Variants in HAGH observed in about 807,000 individuals in gnomAD.
The protein encoded by HAGH is hydroxyacylglutathione hydrolase.
A neutral mutation model predicts 35.1 loss-of-function variants in HAGH; 29 were observed. The observed-to-expected ratio is 0.83, with a 90% CI of 0.62 to 1.13. HAGH has a LOEUF of 1.13. HAGH is among the 50% of genes most tolerant of loss of function. The pLI, the probability that HAGH is intolerant of heterozygous loss-of-function variation, is 0.00. For missense variants in HAGH, 478 were observed against 419.6 expected, an observed-to-expected ratio of 1.14 and a Z score of -1.22; for synonymous variants, 225 against 176.1, an observed-to-expected ratio of 1.28 and a Z score of -2.20.
chr16:1,818,283 C>T (rs1042227602), intron 5 of HAGH, among the ~76,000 whole-genome samples: 2 of 152,078 alleles, frequency 1.3e-5, no homozygotes, highest in African/African-American at 4.8e-5. Context: ...CCCACACCGG[C>T]ACCACCCAGG....
chr16:1,822,275 C>A (rs772001752), intron 3 of HAGH, 25 bp downstream of exon 3: 4 of 1,536,646 alleles, frequency 2.6e-6, no homozygotes, highest in African/African-American at 1.4e-5. Flanking sequence ...AGGTCCCACA[C>A]CCCCAGGTGA....
At chr16:1,810,378 A>G (rs757545530) in intron 7 of HAGH, 2 of 153,720 alleles carry the variant, frequency 1.3e-5, no homozygotes, top group Admixed American at 1.3e-4. Context: ...ATTTCACATT[A>G]TGGAGGTAAC....
Position 1,817,194 on chromosome 16 carries a change from C to T in HAGH, c.619G>A (p.Val207Ile). The part of the protein sequence containing the change: ...ADEMCKALLE[V>I]LGRLPPDTRV... ...GTGTCCGGGGGGAGCCGGCCCAAGA[C>T]CTCCAGCAGAGCTTTACACATCTCA... The change falls in exon 6 of 9, where the codon GTC (valine) becomes ATC (isoleucine). Residue 207 changes from valine to isoleucine, a missense_variant. Transcript: ENST00000397356. 1 of 1,612,296 alleles carries T rather than the reference C, an allele frequency of 6.2e-7. No individual in the cohort carries two copies.
Position 1,822,947 on chromosome 16 carries a change from G to A in HAGH, c.167C>T (p.Ala56Val). The A allele has an allele frequency of 1.2e-6, 2 of 1,613,638 alleles. No homozygotes were observed. The highest frequency in any genetic ancestry group is 1.7e-6 in the Non-Finnish European group (2 of 1,179,658). The change falls in exon 2 of 9, where the codon GCC (alanine) becomes GTC (valine). Residue 56 changes from alanine (A) to valine (V), a missense_variant. Coordinates refer to ENST00000397356, the MANE Select transcript of HAGH (RefSeq NM_005326.6). ...EGTMKVEVLP[A>V]LTDNYMYLVI... ...CAGGTACATGTAGTTGTCGGTCAGG[G>A]CAGGCAGCACCTCTACCTTCATGGT...
rs752728402 is a variant in HAGH at position 1,817,214 on chromosome 16, A to G, written c.599T>C (p.Met200Thr). ...CAAGACCTCCAGCAGAGCTTTACAC[A>G]TCTCATCCGCAGTCCCTTCATAGAA... ...GKFYEGTADE[M>T]CKALLEVLGR... is the part of the protein sequence containing the mutation. The change falls in exon 6 of 9, where the codon ATG becomes ACG. Residue 200 changes from methionine to threonine, a missense_variant. By Grantham distance (81) the Met-to-Thr change is moderately conservative. Coordinates refer to ENST00000397356, the MANE Select transcript of HAGH (RefSeq NM_005326.6). 1 of 1,613,504 alleles carries G rather than the reference A, an allele frequency of 6.2e-7. No individual in the cohort carries two copies. The highest frequency in any genetic ancestry group is 8.5e-7 in the Non-Finnish European group (1 of 1,179,464).
chr16:1,822,454 G>A (rs2142048956), intron 2 of HAGH, 90 bp from the exon 3 acceptor site: 2 of 987,750 alleles, frequency 2.0e-6, no homozygotes, highest in South Asian at 1.3e-5. Context: ...CAGAACCCAG[G>A]ACACGCCATG....
rs368936599 is a variant in HAGH, at chr16:1,826,716, G to A, written c.72C>T (p.Gly24=). The change falls in exon 1 of 9, where the codon GGC becomes GGT. Residue 24 remains glycine (G), a synonymous_variant. Coordinates refer to ENST00000397356, the MANE Select transcript of HAGH (RefSeq NM_005326.6). Reference sequence around the variant, plus strand: ...GCACCGCCCCGCCGCACCCACCGAGGCCTCGGCGGGCGCAGGCGGCTCCCA... The same window carrying A: ...GCACCGCCCCGCCGCACCCACCGAGACCTCGGCGGGCGCAGGCGGCTCCCA... ...AALGAACARR[G]LGPALLGVFC... 1.1e-3 allele frequency: 1,227 copies of A among 1,126,942 alleles called. 37 individuals carry two copies. In the East Asian group the frequency reaches 0.044, roughly 40 times the overall value. 69.8% of individuals were successfully genotyped at this position (1,126,942 alleles called of 1,614,324 possible). A position where few individuals can be genotyped will look rare whatever the true frequency, so the allele number is the denominator to read the frequency against.
In HAGH at chr16:1,819,967, A is replaced by G. The variant is rs1898076125; in HGVS notation, c.362T>C (p.Leu121Pro). 6.2e-7 allele frequency: 1 copy of G among 1,613,518 alleles called. No individual in the cohort carries two copies. Reference sequence around the variant, plus strand: ...ACGGTCGTCACCCCCGTACACCTTCAGTCCCGACTCCAGCTTGACCAGTTT... The same window carrying G: ...ACGGTCGTCACCCCCGTACACCTTCGGTCCCGACTCCAGCTTGACCAGTTT... ...NEKLVKLESG[L>P]KVYGGDDRIG... Residue 121 changes from leucine to proline, a missense_variant, in exon 4 of 9, where the codon CTG becomes CCG. Physicochemically the swap from Leu to Pro is moderately conservative, Grantham distance 98. Transcript: ENST00000397356.
At chr16:1,812,175 G>C (rs1489907592) in intron 7 of HAGH, among the ~76,000 whole-genome samples, 1 of 115,414 alleles carries the variant, frequency 8.7e-6, no homozygotes, top group African/African-American at 3.5e-5. Context: ...GGGCAGCAGA[G>C]CAAGACGCTG....
intron 8 of HAGH, 168 bp downstream of exon 8, chr16:1,809,585 GA>G: frequency 1.5e-6 from 1 of 680,988 alleles, no homozygotes; most frequent in Non-Finnish European, 2.6e-6. Context: ...AAGGTGCCAG[GA>G]AAGGCCGGAC....
At chr16:1,821,966 T>TAA (rs1567261759) in intron 3 of HAGH, 10 of 210,948 alleles carry the variant, frequency 4.7e-5, no homozygotes, top group African/African-American at 7.1e-5. Context: ...TTTTTTTTTT[T>TAA]AAAAACCACT....
At chr16:1,816,421 G>C (rs1192268905) in intron 7 of HAGH, among the ~76,000 whole-genome samples, 1 of 152,108 alleles carries the variant, frequency 6.6e-6, no homozygotes, top group African/African-American at 2.4e-5. Context: ...AGACCACCCA[G>C]GCGTGCGTGC....
chr16:1,813,814 C>A (rs1463586865), intron 7 of HAGH, among the ~76,000 whole-genome samples: 1 of 152,228 alleles, frequency 6.6e-6, no homozygotes, highest in Non-Finnish European at 1.5e-5. Flanking sequence ...CACAGAGTTA[C>A]AGTCATCAAG....
At chr16:1,823,349 G>C (rs1035021256) in intron 1 of HAGH, among the ~76,000 whole-genome samples, 9 of 150,138 alleles carry the variant, frequency 6.0e-5, no homozygotes, top group Non-Finnish European at 1.2e-4. Context: ...CTCACTGCAA[G>C]CTCCGCCTCC....
In HAGH at chr16:1,822,280, AG is replaced by A. The variant is rs1898188031; in HGVS notation, c.314+19del. On this transcript the variant is annotated intron_variant, in intron 3 of 8. Coordinates refer to ENST00000397356, the MANE Select transcript of HAGH (RefSeq NM_005326.6). Reference sequence around the variant, plus strand: ...GAAGTGAGCCAGGTCCCACACCCCCAGGTGAGACGCGGCACTTACCAGTGGT... The same window carrying A: ...GAAGTGAGCCAGGTCCCACACCCCCAGTGAGACGCGGCACTTACCAGTGGT... The A allele has an allele frequency of 6.4e-7, 1 of 1,560,986 alleles. No homozygotes were observed. Among genetic ancestry groups the A allele is most frequent in the Admixed American group, 1.7e-5 (1 of 59,932 alleles).
Position 1,819,973 on chromosome 16 carries a change from G to C in HAGH, c.356C>G (p.Ser119Trp). 6.2e-7 allele frequency: 1 copy of C among 1,613,282 alleles called. No individual in the cohort carries two copies. Among genetic ancestry groups the C allele is most frequent in the Non-Finnish European group, 8.5e-7 (1 of 1,179,674 alleles). ...GGNEKLVKLE[S>W]GLKVYGGDDR... is the part of the protein sequence containing the mutation. ...GTCACCCCCGTACACCTTCAGTCCC[G>C]ACTCCAGCTTGACCAGTTTCTCATT... The change falls in exon 4 of 9, where the codon TCG becomes TGG. Residue 119 changes from serine (S) to tryptophan (W), a missense_variant. Coordinates refer to ENST00000397356, the MANE Select transcript of HAGH (RefSeq NM_005326.6).
At position 1,814,431 on chromosome 16, in the gene HAGH, G is replaced by A. The variant is rs1197516632; in HGVS notation, c.747+2462C>T. Among the ~76,000 whole-genome samples the A allele has an allele frequency of 5.4e-5, 8 of 149,168 alleles. 1 individual carries two copies. The South Asian group carries it at 6.3e-4, about 12-fold the overall frequency. On this transcript the variant is annotated intron_variant, in intron 7 of 8. Transcript: ENST00000397356. ...GGATGTTGCGGTGAGCTGAGATCGC[G>A]CCGCTGCACTCCAGCCTGGGCAACA...
At position 1,809,364 on chromosome 16, in the gene HAGH, C is replaced by G. The variant is rs1391887410; in HGVS notation, c.846G>C (p.Gln282His). 1 of 1,611,858 alleles carries G rather than the reference C, an allele frequency of 6.2e-7. No homozygotes were observed. The highest frequency in any genetic ancestry group is 1.3e-5 in the African/African-American group (1 of 74,928). Reference sequence around the variant, plus strand: ...TCACCGGGTCCGTCTCACCTGCGTGCTGCTGCACCGTCTTCTCCCTGCGGA... The same window carrying G: ...TCACCGGGTCCGTCTCACCTGCGTGGTGCTGCACCGTCTTCTCCCTGCGGA... ...FMRVREKTVQQHAGETDPVTT... is the reference protein window; with the variant it reads ...FMRVREKTVQHHAGETDPVTT... Residue 282 changes from glutamine to histidine, a missense_variant, in exon 9 of 9, where the codon CAG (glutamine) becomes CAC (histidine). Coordinates refer to ENST00000397356, the MANE Select transcript of HAGH (RefSeq NM_005326.6).
upstream of HAGH, chr16:1,826,847 G>C (rs1898461995): frequency 9.2e-7 from 1 of 1,087,768 alleles, no homozygotes; most frequent in African/African-American, 1.6e-5. Context: ...GCGTCGGCGC[G>C]TCGCAGCCAA....
Sources: gnomAD v4.1 joint callset for allele counts (sites outside exome capture counted in the v4.1 genomes callset) on GRCh38, gnomAD v4.1.1 for gene constraint, MANE v1.5 for transcripts, NCBI Gene and HGNC (gene_info 2026-07-23, HGNC 2026-07-21) for gene names.